The following TNS3 variants were observed in gnomAD, a reference collection of about 807,000 sequenced individuals.
TNS3 encodes the protein tensin-3.
TNS3 carries 45 observed loss-of-function variants against 140.9 expected under a neutral mutation model. The ratio of observed to expected loss-of-function variants is 0.32; its 90% CI spans 0.25 to 0.41. The LOEUF is 0.41. Ranked by LOEUF, TNS3 falls within the 10% of genes least tolerant of loss-of-function variation. The pLI, the probability that TNS3 is intolerant of heterozygous loss-of-function variation, is 1.00. For missense variants in TNS3, 1,716 were observed against 1,906.7 expected, an observed-to-expected ratio of 0.90 and a Z score of 1.86; for synonymous variants, 815 against 788.4, an observed-to-expected ratio of 1.03 and a Z score of -0.56.
At chr7:47,327,078 C>T (rs1788064283) in intron 20 of TNS3, among the ~76,000 whole-genome samples, 1 of 152,210 alleles carries the variant, frequency 6.6e-6, no homozygotes, top group Non-Finnish European at 1.5e-5. Context: ...CCAGGAGGCC[C>T]ACCCTGGGCC....
At chr7:47,576,867 C>G (rs936511932) in intron 1 of TNS3, among the ~76,000 whole-genome samples, 3 of 152,222 alleles carry the variant, frequency 2.0e-5, no homozygotes, top group Admixed American at 2.0e-4. Context: ...GAGCAGAGCC[C>G]GGGCTCTCCT....
chr7:47,413,798 G>T, intron 12 of TNS3, 139 bp downstream of exon 12: 3 of 1,034,310 alleles, frequency 2.9e-6, no homozygotes, highest in South Asian at 1.5e-5. Context: ...TTCCCCACTG[G>T]ACTCTTCTTT....
chr7:47,493,425 G>T (rs759058792), intron 3 of TNS3, among the ~76,000 whole-genome samples: 2 of 152,184 alleles, frequency 1.3e-5, no homozygotes, highest in African/African-American at 4.8e-5. Flanking sequence ...CACAAAGGTA[G>T]GCACCAGAGA....
At chr7:47,565,140 C>T (rs1182256053) in intron 1 of TNS3, among the ~76,000 whole-genome samples, 1 of 151,432 alleles carries the variant, frequency 6.6e-6, no homozygotes, top group African/African-American at 2.4e-5. Context: ...TGCAGTGGCG[C>T]GATCTCAGCT....
chr7:47,447,260 T>C (rs1214682132), intron 4 of TNS3, among the ~76,000 whole-genome samples: 2 of 148,474 alleles, frequency 1.3e-5, no homozygotes, highest in Non-Finnish European at 2.9e-5. Context: ...GTTTGTTTGT[T>C]TGTTTGTTTG....
At chr7:47,533,165 C>A (rs1799477530) in intron 1 of TNS3, among the ~76,000 whole-genome samples, 1 of 113,718 alleles carries the variant, frequency 8.8e-6, no homozygotes, top group African/African-American at 3.6e-5. Context: ...CAGAGTCTCG[C>A]TCTGTCGCCC....
intron 8 of TNS3, among the ~76,000 whole-genome samples, 169 bp from the exon 9 acceptor site, chr7:47,428,545 T>C (rs2151497259): frequency 6.6e-6 from 1 of 152,258 alleles, no homozygotes. Context: ...CCAGTGCAAC[T>C]GGAGTCTCTG....
intron 20 of TNS3, among the ~76,000 whole-genome samples, chr7:47,311,270 G>C (rs376758325): frequency 6.6e-6 from 1 of 152,150 alleles, no homozygotes; most frequent in Non-Finnish European, 1.5e-5. Flanking sequence ...CTGGGGGCAG[G>C]GGGAGGGATA....
intron 1 of TNS3, among the ~76,000 whole-genome samples, chr7:47,552,178 G>A (rs540370414): frequency 7.0e-4 from 107 of 152,098 alleles, no homozygotes; most frequent in African/African-American, 2.4e-3. Flanking sequence ...CAGAATAACA[G>A]GGATTTAACA....
intron 1 of TNS3, among the ~76,000 whole-genome samples, chr7:47,560,711 C>T (rs1460035135): frequency 6.6e-6 from 1 of 152,200 alleles, no homozygotes; most frequent in Non-Finnish European, 1.5e-5. Context: ...CTCTCAGCAC[C>T]CCTAACTTGC....
intron 16 of TNS3, among the ~76,000 whole-genome samples, chr7:47,395,796 C>T (rs1792796598): frequency 6.6e-6 from 1 of 152,202 alleles, no homozygotes; most frequent in Non-Finnish European, 1.5e-5. Flanking sequence ...CTGTGGGTCT[C>T]CACCTCTGGT....
chr7:47,519,972 C>T (rs1354454232), intron 2 of TNS3, among the ~76,000 whole-genome samples: 3 of 151,994 alleles, frequency 2.0e-5, no homozygotes, highest in Non-Finnish European at 2.9e-5. Flanking sequence ...TACAGGCGCC[C>T]GCCACCACAC....
chr7:47,506,477 G>A (rs1798420939), intron 3 of TNS3, among the ~76,000 whole-genome samples: 1 of 152,000 alleles, frequency 6.6e-6, no homozygotes, highest in African/African-American at 2.4e-5. Flanking sequence ...AGGTTTCCGT[G>A]GCAGCTGAAA....
At chr7:47,423,214 A>G (rs1794472098) in intron 10 of TNS3, among the ~76,000 whole-genome samples, 1 of 152,206 alleles carries the variant, frequency 6.6e-6, no homozygotes, top group Non-Finnish European at 1.5e-5. Context: ...CTGTCTCCAA[A>G]ACGGAACACC....
chr7:47,411,819 A>G lies in TNS3; in HGVS notation c.648-17T>C. 6.2e-7 allele frequency: 1 copy of G among 1,611,146 alleles called. No individual in the cohort carries two copies. On this transcript the variant is annotated splice_polypyrimidine_tract_variant and intron_variant, in intron 12 of 30. Transcript: ENST00000311160. ...CCAACGTTGCTTTGGGATGAAGAAG[A>G]AGGTAGATCATTATGCAACTTCATG...
At chr7:47,385,976 T>A (rs536597235) in intron 16 of TNS3, among the ~76,000 whole-genome samples, 48 of 152,334 alleles carry the variant, frequency 3.2e-4, no homozygotes, top group African/African-American at 1.1e-3. Flanking sequence ...TGAGAATATA[T>A]CCCAGGTCAT....
At chr7:47,494,654 G>C (rs944246313) in intron 3 of TNS3, among the ~76,000 whole-genome samples, 2 of 152,186 alleles carry the variant, frequency 1.3e-5, no homozygotes, top group African/African-American at 4.8e-5. Context: ...GTAATTTGGA[G>C]TTGAGGGTGC....
chr7:47,553,908 G>A (rs1398101432), intron 1 of TNS3, among the ~76,000 whole-genome samples: 3 of 151,906 alleles, frequency 2.0e-5, no homozygotes, highest in Admixed American at 6.6e-5. Flanking sequence ...AGGTTCAAGC[G>A]ATTTTCCTGC....
intron 27 of TNS3, 37 bp downstream of exon 27, chr7:47,291,918 A>C (rs1409272938): frequency 6.2e-7 from 1 of 1,606,868 alleles, no homozygotes; most frequent in Non-Finnish European, 8.5e-7. Flanking sequence ...TTTTCTCCCC[A>C]GTCACCAGAT....
Sources: gnomAD v4.1 joint callset for allele counts (sites outside exome capture counted in the v4.1 genomes callset) on GRCh38, gnomAD v4.1.1 for gene constraint, MANE v1.5 for transcripts, NCBI Gene and HGNC (gene_info 2026-07-23, HGNC 2026-07-21) for gene names.